Variants in LMO7 observed in about 807,000 individuals in gnomAD.
The protein encoded by LMO7 is LIM domain only protein 7.
Under a neutral mutation model 206.5 loss-of-function variants are expected in LMO7, and 120 were observed. The observed-to-expected ratio is 0.58, with a 90% CI of 0.50 to 0.68. LMO7 has a LOEUF of 0.68. Among genes scored for constraint, LMO7 ranks in the 30% least tolerant of loss-of-function variants. LMO7 has a pLI of 0.00. For missense variants in LMO7, 1,959 were observed against 1,957.9 expected, an observed-to-expected ratio of 1.00 and a Z score of -0.01; for synonymous variants, 706 against 681.5, an observed-to-expected ratio of 1.04 and a Z score of -0.56.
intron 1 of LMO7, among the ~76,000 whole-genome samples, chr13:75,663,435 T>TCTTTCTTTCTTTCTTTC (rs1555289858): frequency 4.5e-5 from 5 of 111,760 alleles, no homozygotes; most frequent in Non-Finnish European, 8.3e-5. Context: ...TTTCTTTCTT[T>TCTTTCTTTCTTTCTTTC]TTTTTTTTTT....
chr13:75,623,911 G>A (rs1481818233), intron 2 of LMO7, among the ~76,000 whole-genome samples: 1 of 152,134 alleles, frequency 6.6e-6, no homozygotes. Context: ...AGTTTATAAT[G>A]CATAATAACC....
intron 1 of LMO7, among the ~76,000 whole-genome samples, chr13:75,637,997 C>A (rs1402169829): frequency 1.3e-5 from 2 of 152,146 alleles, no homozygotes; most frequent in Non-Finnish European, 2.9e-5. Flanking sequence ...TGGAAAAATT[C>A]CAGCAATATA....
At position 75,821,301 on chromosome 13, in the gene LMO7, A is replaced by G; in HGVS notation, c.2332A>G (p.Arg778Gly). 6.2e-7 allele frequency: 1 copy of G among 1,614,174 alleles called. No individual in the cohort carries two copies. The highest frequency in any genetic ancestry group is 8.5e-7 in the Non-Finnish European group (1 of 1,180,004). ...TVSEASYQSERVEEKGATYPS... is the reference protein window; with the variant it reads ...TVSEASYQSEGVEEKGATYPS... ...GTCAGAAGCAAGTTACCAGAGTGAG[A>G]GAGTAGAAGAGAAGGGAGCAACTTA... The change falls in exon 14 of 31, where the codon AGA (arginine) becomes GGA (glycine). Residue 778 changes from arginine to glycine, a missense_variant. Coordinates refer to ENST00000377534, the MANE Select transcript of LMO7 (RefSeq NM_001306080.2).
chr13:75,770,032 G>A (rs1459375645), intron 4 of LMO7, among the ~76,000 whole-genome samples: 1 of 151,960 alleles, frequency 6.6e-6, no homozygotes, highest in East Asian at 1.9e-4. Context: ...TCAATTTTGT[G>A]TATAATAGGG....
chr13:75,766,237 CTT>C (rs10604656), intron 4 of LMO7, among the ~76,000 whole-genome samples: 43,953 of 126,210 alleles, frequency 0.35, 6,651 homozygotes, highest in East Asian at 0.59. Flanking sequence ...TTCCCTCAGT[CTT>C]TTTTTTTTTT....
chr13:75,836,473 A>G lies in LMO7; in HGVS notation c.3394+16A>G. On this transcript the variant is annotated intron_variant, in intron 19 of 30. Coordinates refer to ENST00000377534, the MANE Select transcript of LMO7 (RefSeq NM_001306080.2). ...GAATCAAAAGGTAAATATCACCTTT[A>G]TAACTTACATTTATAATACAGGAAA... 7.9e-7 allele frequency: 1 copy of G among 1,273,532 alleles called. No homozygotes were observed. The highest frequency in any genetic ancestry group is 2.5e-5 in the East Asian group (1 of 40,130). 78.9% of individuals were successfully genotyped at this position (1,273,532 alleles called of 1,614,324 possible).
At chr13:75,660,472 C>T (rs2038476593) in intron 1 of LMO7, among the ~76,000 whole-genome samples, 1 of 152,062 alleles carries the variant, frequency 6.6e-6, no homozygotes, top group African/African-American at 2.4e-5. Context: ...CATTTATGCC[C>T]TTCTCTTTAA....
intron 15 of LMO7, among the ~76,000 whole-genome samples, chr13:75,831,311 A>C (rs2058650339): frequency 6.6e-6 from 1 of 152,152 alleles, no homozygotes; most frequent in Non-Finnish European, 1.5e-5. Context: ...TTGTTTCCCA[A>C]AGTGCTAAGT....
intron 1 of LMO7, among the ~76,000 whole-genome samples, chr13:75,690,983 AT>A (rs1364114096): frequency 1.3e-5 from 2 of 152,116 alleles, no homozygotes; most frequent in Non-Finnish European, 2.9e-5. Context: ...TACACATAAA[AT>A]TTTTATACAT....
At chr13:75,718,789 T>G (rs1029487135) in intron 2 of LMO7, among the ~76,000 whole-genome samples, 2 of 152,184 alleles carry the variant, frequency 1.3e-5, no homozygotes, top group African/African-American at 4.8e-5. Context: ...TCTGTGCTCC[T>G]CCTATTCATC....
rs751387963 is a variant in LMO7 at position 75,840,484 on chromosome 13, C to T, written c.3571C>T (p.Arg1191Cys). ...GGAGAGGTGGCAGAAGGAGCAGGACCGCCTACTGCAGGTAGCTCTGGCTCA... is the reference window on the plus strand; with the variant it reads ...GGAGAGGTGGCAGAAGGAGCAGGACTGCCTACTGCAGGTAGCTCTGGCTCA... ...RQERWQKEQDRLLQEKYQREQ... is the reference protein window; with the variant it reads ...RQERWQKEQDCLLQEKYQREQ... The change falls in exon 22 of 31, where the codon CGC becomes TGC. Residue 1191 changes from arginine to cysteine, a missense_variant. Arg to Cys is a radical substitution (Grantham distance 180). Transcript: ENST00000377534. 36 of 1,613,622 alleles carry T rather than the reference C, an allele frequency of 2.2e-5. No individual in the cohort carries two copies. Among genetic ancestry groups the T allele is most frequent in the Middle Eastern group, 1.6e-4 (1 of 6,084 alleles).
chr13:75,822,297 A>G (rs1242517083), intron 14 of LMO7, among the ~76,000 whole-genome samples: 1 of 152,102 alleles, frequency 6.6e-6, no homozygotes, highest in Non-Finnish European at 1.5e-5. Context: ...AAAAAATTGG[A>G]TATTTGGGGT....
Position 75,808,583 on chromosome 13 carries a change from G to C in LMO7, c.1916+384G>C, listed in dbSNP as rs557851382. Among the ~76,000 whole-genome samples, 10 of 152,170 alleles carry C rather than the reference G, an allele frequency of 6.6e-5. No individual in the cohort carries two copies. The South Asian group carries it at 2.1e-3, about 32-fold the overall frequency. On this transcript the variant is annotated intron_variant, in intron 10 of 30. Coordinates refer to ENST00000377534, the MANE Select transcript of LMO7 (RefSeq NM_001306080.2). The stretch of plus-strand genomic sequence containing the variant: ...CATTTTAGAGTGTCTGATTTTTTTG[G>C]GGGGGTGAAATTTTCCCTTAAAATA...
chr13:75,792,295 G>T (rs1456234501), intron 4 of LMO7, among the ~76,000 whole-genome samples: 1 of 152,092 alleles, frequency 6.6e-6, no homozygotes, highest in Admixed American at 6.6e-5. Context: ...TTCACCATTA[G>T]AAGGAAATTT....
At chr13:75,723,061 G>A (rs1399805457) in intron 2 of LMO7, among the ~76,000 whole-genome samples, 1 of 151,894 alleles carries the variant, frequency 6.6e-6, no homozygotes, top group Non-Finnish European at 1.5e-5. Flanking sequence ...CATATTGCGT[G>A]CAGTGGATAC....
chr13:75,687,992 C>T (rs1019478652), intron 1 of LMO7, among the ~76,000 whole-genome samples: 2 of 152,218 alleles, frequency 1.3e-5, no homozygotes, highest in African/African-American at 2.4e-5. Flanking sequence ...ATAAGTCTCA[C>T]GAGATCTGAT....
chr13:75,654,628 C>G (rs1467926166), intron 1 of LMO7, among the ~76,000 whole-genome samples: 1 of 152,144 alleles, frequency 6.6e-6, no homozygotes, highest in Admixed American at 6.5e-5. Flanking sequence ...CTCTGCATCT[C>G]TCTTTCCCTG....
intron 13 of LMO7, 49 bp downstream of exon 13, chr13:75,819,584 T>C: frequency 6.9e-7 from 1 of 1,458,746 alleles, no homozygotes. Context: ...GAGATGCCAG[T>C]GTTATAAATA....
At chr13:75,647,326 T>A (rs2037120040) in intron 1 of LMO7, among the ~76,000 whole-genome samples, 1 of 152,202 alleles carries the variant, frequency 6.6e-6, no homozygotes, top group Non-Finnish European at 1.5e-5. Context: ...CAACAAGAGA[T>A]GTTGGTTTTG....
Sources: allele counts gnomAD v4.1 joint callset (sites outside exome capture counted in the v4.1 genomes callset), GRCh38; gene constraint gnomAD v4.1.1; transcripts MANE v1.5; gene names NCBI Gene and HGNC (gene_info 2026-07-23, HGNC 2026-07-21).